The following PRKG1 variants were observed in gnomAD, a reference collection of about 807,000 sequenced individuals.
PRKG1 encodes cGMP-dependent protein kinase 1.
In PRKG1, 35 loss-of-function variants were observed where a neutral mutation model predicts 88.1. The observed-to-expected ratio is 0.40, with a 90% CI of 0.30 to 0.53. The LOEUF (loss-of-function observed/expected upper bound fraction) is 0.53. Among genes scored for constraint, PRKG1 ranks in the 20% least tolerant of loss-of-function variants. The pLI is 0.59. For missense variants in PRKG1, 540 were observed against 839.8 expected (o/e 0.64, Z 4.41); for synonymous variants, 303 against 292.5 (o/e 1.04, Z -0.37).
At chr10:51,114,888 G>A (rs1454254956) in intron 1 of PRKG1, among the ~76,000 whole-genome samples, 1 of 152,060 alleles carries the variant, frequency 6.6e-6, no homozygotes, top group Non-Finnish European at 1.5e-5. Context: ...ATTTTATCCT[G>A]GAAATTTGGT....
intron 1 of PRKG1, among the ~76,000 whole-genome samples, chr10:51,011,135 A>G (rs1310995155): frequency 6.6e-6 from 1 of 152,108 alleles, no homozygotes; most frequent in Admixed American, 6.6e-5. Context: ...CACTGGGCAA[A>G]TGGTGTTTCT....
chr10:52,026,509 T>A (rs2133201869), intron 5 of PRKG1, among the ~76,000 whole-genome samples: 1 of 152,264 alleles, frequency 6.6e-6, no homozygotes, highest in East Asian at 1.9e-4. Flanking sequence ...AATGAGCAAT[T>A]CCCTAGAGAC....
intron 2 of PRKG1, among the ~76,000 whole-genome samples, chr10:51,313,070 A>AGTGTGT (rs34130710): frequency 2.6e-4 from 38 of 145,914 alleles, no homozygotes; most frequent in Admixed American, 4.8e-4. Flanking sequence ...ATTAAGTTGC[A>AGTGTGT]GTGTGTGTGT....
intron 2 of PRKG1, among the ~76,000 whole-genome samples, chr10:51,164,388 A>C (rs1388403984): frequency 1.3e-5 from 2 of 152,088 alleles, no homozygotes; most frequent in Non-Finnish European, 2.9e-5. Flanking sequence ...CACACCAAAA[A>C]CCCATCTGTA....
intron 5 of PRKG1, among the ~76,000 whole-genome samples, chr10:51,996,137 AC>A (rs2133137758): frequency 6.6e-6 from 1 of 151,542 alleles, no homozygotes; most frequent in Non-Finnish European, 1.5e-5. Flanking sequence ...CCGGTGAAAC[AC>A]CGTCTCTACT....
At chr10:51,005,135 A>T (rs1842928110) in intron 1 of PRKG1, among the ~76,000 whole-genome samples, 1 of 152,178 alleles carries the variant, frequency 6.6e-6, no homozygotes, top group Non-Finnish European at 1.5e-5. Context: ...TTGGATCAGA[A>T]TTCAATCATA....
chr10:51,115,731 G>T (rs566475781), intron 1 of PRKG1, among the ~76,000 whole-genome samples: 1 of 151,822 alleles, frequency 6.6e-6, no homozygotes, highest in South Asian at 2.1e-4. Flanking sequence ...CAGCTATTCG[G>T]GACGCTGAGG....
At chr10:51,887,413 T>G (rs1841599457) in intron 4 of PRKG1, among the ~76,000 whole-genome samples, 4 of 152,240 alleles carry the variant, frequency 2.6e-5, no homozygotes, top group African/African-American at 9.6e-5. Context: ...TGAACTTTGA[T>G]TCTTTTGAAT....
intron 3 of PRKG1, among the ~76,000 whole-genome samples, chr10:51,530,958 A>G (rs1021347420): frequency 6.6e-6 from 1 of 152,100 alleles, no homozygotes; most frequent in African/African-American, 2.4e-5. Flanking sequence ...ATAAATTTCT[A>G]TTTTCTGTCC....
intron 3 of PRKG1, among the ~76,000 whole-genome samples, chr10:51,601,851 G>A (rs1264460496): frequency 1.4e-5 from 2 of 142,706 alleles, no homozygotes; most frequent in Non-Finnish European, 3.0e-5. Flanking sequence ...AGGGAAGCAT[G>A]TTATAACTTG....
At chr10:51,814,019 C>A (rs1166260848) in intron 4 of PRKG1, among the ~76,000 whole-genome samples, 1 of 152,146 alleles carries the variant, frequency 6.6e-6, no homozygotes, top group Non-Finnish European at 1.5e-5. Flanking sequence ...ACCATGATTT[C>A]TAAAACAAAT....
intron 3 of PRKG1, among the ~76,000 whole-genome samples, chr10:51,639,754 T>C (rs1324638348): frequency 1.2e-4 from 18 of 151,898 alleles, no homozygotes; most frequent in Admixed American, 1.2e-3. Context: ...GTTAGGTTGG[T>C]GTAAAAGTAA....
chr10:51,745,921 T>A (rs1837564993), intron 3 of PRKG1, among the ~76,000 whole-genome samples: 1 of 152,216 alleles, frequency 6.6e-6, no homozygotes, highest in Admixed American at 6.5e-5. Context: ...CATAGCTCAC[T>A]GCAGCATCGA....
chr10:51,523,798 C>A (rs1054561384), intron 3 of PRKG1, among the ~76,000 whole-genome samples: 5 of 152,176 alleles, frequency 3.3e-5, no homozygotes, highest in Admixed American at 3.3e-4. Flanking sequence ...ACATAACACA[C>A]AATGATCACT....
At chr10:51,170,070 G>A (rs977887044) in intron 2 of PRKG1, among the ~76,000 whole-genome samples, 2 of 151,930 alleles carry the variant, frequency 1.3e-5, no homozygotes, top group South Asian at 2.1e-4. Context: ...GACTGGGCTG[G>A]ACTGTTGTCT....
intron 7 of PRKG1, among the ~76,000 whole-genome samples, chr10:52,063,457 C>T (rs999685830): frequency 2.0e-5 from 3 of 152,202 alleles, no homozygotes; most frequent in African/African-American, 7.2e-5. Flanking sequence ...AGGTCTGGGC[C>T]CCCCAAAGGG....
intron 3 of PRKG1, among the ~76,000 whole-genome samples, chr10:51,606,961 A>G (rs1327700522): frequency 1.3e-5 from 2 of 152,166 alleles, no homozygotes. Flanking sequence ...CCTTGCTGTA[A>G]TTGAATAGGC....
chr10:51,356,545 T>C (rs1317712404), intron 2 of PRKG1, among the ~76,000 whole-genome samples: 1 of 151,940 alleles, frequency 6.6e-6, no homozygotes, highest in Non-Finnish European at 1.5e-5. Context: ...TGCTCCCCGC[T>C]CCTCCACTAG....
intron 5 of PRKG1, among the ~76,000 whole-genome samples, chr10:51,986,867 C>A (rs12257861): frequency 2.0e-5 from 3 of 152,006 alleles, no homozygotes; most frequent in Admixed American, 2.0e-4. Flanking sequence ...GGAAAAAATA[C>A]GCTTCTATCT....
Sources: allele counts gnomAD v4.1 joint callset (sites outside exome capture counted in the v4.1 genomes callset), GRCh38; gene constraint gnomAD v4.1.1; transcripts MANE v1.5; gene names NCBI Gene and HGNC (gene_info 2026-07-23, HGNC 2026-07-21).